CAST: variants seen among roughly 807,000 people sequenced by gnomAD.
CAST encodes MIR583 host.
A neutral mutation model predicts 119.6 loss-of-function variants in CAST; 76 were observed. The observed-to-expected ratio is 0.64, with a 90% CI of 0.53 to 0.77. CAST has a LOEUF of 0.77. Ranked by LOEUF, CAST falls within the 30% of genes least tolerant of loss-of-function variation. The pLI is 0.00. For missense variants in CAST, 953 were observed against 946.5 expected (o/e 1.01, Z -0.09); for synonymous variants, 319 against 331.6 (o/e 0.96, Z 0.41).
At chr5:96,310,381 CT>C in the CAST span, among the ~76,000 whole-genome samples, 2 of 152,246 alleles carry the variant, frequency 1.3e-5, no homozygotes, top group East Asian at 1.9e-4. Context: ...AAAATATTTT[CT>C]GGTAGCTTTC....
the CAST span, among the ~76,000 whole-genome samples, chr5:96,314,057 G>T: frequency 6.6e-6 from 1 of 152,146 alleles, no homozygotes; most frequent in Non-Finnish European, 1.5e-5. Flanking sequence ...GTATGCATAG[G>T]AACCTGCTTT....
the CAST span, among the ~76,000 whole-genome samples, chr5:96,225,030 G>A: frequency 2.0e-5 from 3 of 152,300 alleles, no homozygotes; most frequent in East Asian, 1.9e-4. Flanking sequence ...CATCATGTTG[G>A]CAGGCCTTAC....
the CAST span, among the ~76,000 whole-genome samples, chr5:96,100,316 G>A: frequency 6.6e-6 from 1 of 152,162 alleles, no homozygotes; most frequent in African/African-American, 2.4e-5. Flanking sequence ...CTCTGTTGGA[G>A]CCTCTCCTTC....
intron 4 of CAST, among the ~76,000 whole-genome samples, chr5:96,725,807 TAATA>T (rs1027504665): frequency 6.6e-6 from 1 of 152,230 alleles, no homozygotes; most frequent in Non-Finnish European, 1.5e-5. Flanking sequence ...GTTAATCATT[TAATA>T]AATTATATTT....
At chr5:96,152,883 C>T in the CAST span, among the ~76,000 whole-genome samples, 2 of 152,166 alleles carry the variant, frequency 1.3e-5, no homozygotes, top group African/African-American at 4.8e-5. Flanking sequence ...AGTGAGGAAC[C>T]GATCTCCAAA....
At chr5:96,090,050 A>G in the CAST span, among the ~76,000 whole-genome samples, 1 of 152,168 alleles carries the variant, frequency 6.6e-6, no homozygotes, top group Admixed American at 6.5e-5. Flanking sequence ...TCCCCCTGGT[A>G]AAAGAGATTA....
intron 1 of CAST, among the ~76,000 whole-genome samples, chr5:96,585,900 C>T (rs1453978495): frequency 6.6e-6 from 1 of 152,170 alleles, no homozygotes; most frequent in East Asian, 1.9e-4. Flanking sequence ...TTCTTAGACA[C>T]GAGTTGGTGA....
the CAST span, among the ~76,000 whole-genome samples, chr5:96,384,842 T>A: frequency 6.6e-6 from 1 of 152,136 alleles, no homozygotes; most frequent in Non-Finnish European, 1.5e-5. Context: ...AGAGTCTTAG[T>A]ACACGCTAGT....
At chr5:96,376,341 T>C in the CAST span, among the ~76,000 whole-genome samples, 1 of 152,142 alleles carries the variant, frequency 6.6e-6, no homozygotes, top group Non-Finnish European at 1.5e-5. Flanking sequence ...ATAGCACATA[T>C]AATTATGTAC....
chr5:96,021,532 G>A, the CAST span, among the ~76,000 whole-genome samples: 93,959 of 151,372 alleles, frequency 0.62, 29,437 homozygotes, highest in East Asian at 0.86. Context: ...TGCAAGCTCC[G>A]CCTCCTGGGT....
the CAST span, chr5:96,416,172 G>A: frequency 7.9e-7 from 1 of 1,259,436 alleles, no homozygotes. Flanking sequence ...ACAAACATTT[G>A]TTTTGCATAT....
At chr5:96,330,715 G>T in the CAST span, among the ~76,000 whole-genome samples, 1 of 152,200 alleles carries the variant, frequency 6.6e-6, no homozygotes, top group African/African-American at 2.4e-5. Context: ...TGTTGTGGGA[G>T]CTGGGCAAAT....
the CAST span, among the ~76,000 whole-genome samples, chr5:96,242,003 A>C: frequency 7.1e-6 from 1 of 141,322 alleles, no homozygotes; most frequent in African/African-American, 2.6e-5. Flanking sequence ...ATTTTCTCCC[A>C]TTTTGTAGGT....
the CAST span, among the ~76,000 whole-genome samples, chr5:96,362,642 G>T: frequency 6.6e-6 from 1 of 152,206 alleles, no homozygotes; most frequent in African/African-American, 2.4e-5. Context: ...CTTTTCAGAG[G>T]TGTCTGTTCA....
chr5:96,026,466 C>A, the CAST span, among the ~76,000 whole-genome samples: 2 of 152,310 alleles, frequency 1.3e-5, no homozygotes, highest in South Asian at 2.1e-4. Flanking sequence ...GATTTAAAAA[C>A]CACAGGCACT....
chr5:96,578,962 G>A (rs545507383), intron 1 of CAST, among the ~76,000 whole-genome samples: 2 of 152,276 alleles, frequency 1.3e-5, no homozygotes, highest in South Asian at 4.1e-4. Context: ...TGGCTTACCT[G>A]TTGCTACTGG....
chr5:96,531,408 C>T (rs1745685409), intron 1 of CAST, among the ~76,000 whole-genome samples: 1 of 152,114 alleles, frequency 6.6e-6, no homozygotes, highest in Admixed American at 6.5e-5. Context: ...ACACTCACCC[C>T]CGCATTTTGA....
the CAST span, among the ~76,000 whole-genome samples, chr5:96,070,614 T>C: frequency 2.0e-5 from 3 of 152,026 alleles, no homozygotes; most frequent in South Asian, 2.1e-4. Context: ...GCAAGGAAAA[T>C]GGGAGGACTA....
chr5:96,665,789 A>G (rs897267033), intron 1 of CAST, among the ~76,000 whole-genome samples: 4 of 151,878 alleles, frequency 2.6e-5, no homozygotes, highest in African/African-American at 9.7e-5. Flanking sequence ...AACATATACA[A>G]TCCAATATAC....
Sources: allele counts gnomAD v4.1 joint callset (sites outside exome capture counted in the v4.1 genomes callset), GRCh38; gene constraint gnomAD v4.1.1; transcripts MANE v1.5; gene names NCBI Gene and HGNC (gene_info 2026-07-23, HGNC 2026-07-21).